Variants in CYP3A4 observed in about 807,000 individuals in gnomAD.
CYP3A4 encodes cytochrome P450 family 3 subfamily A member 4.
A neutral mutation model predicts 54.9 loss-of-function variants in CYP3A4; 41 were observed. The ratio of observed to expected loss-of-function variants is 0.75; its 90% CI spans 0.58 to 0.97. CYP3A4 has a LOEUF of 0.97. Among genes scored for constraint, CYP3A4 ranks in the 50% least tolerant of loss-of-function variants. The probability of loss-of-function intolerance (pLI) is 0.00; values close to 1 mark genes in which losing one functional copy is unlikely to be tolerated. For synonymous variants in CYP3A4, 179 were observed against 205.2 expected, an observed-to-expected ratio of 0.87 and a Z score of 1.09; for missense variants, 510 against 597.3, an observed-to-expected ratio of 0.85 and a Z score of 1.52.
intron 9 of CYP3A4, among the ~76,000 whole-genome samples, chr7:99,765,937 T>G (rs925633702): frequency 6.6e-6 from 1 of 152,176 alleles, no homozygotes; most frequent in Non-Finnish European, 1.5e-5. Flanking sequence ...GATTGGATGT[T>G]AGATGTATTA....
In CYP3A4 at chr7:99,762,145, G is replaced by A; in HGVS notation, c.1149C>T (p.Ile383=). ...CCCCTTTGGGAATGAACATCCCATTGATCTCAACATCTTTTTTGCAGACCC... is the reference window on the plus strand; with the variant it reads ...CCCCTTTGGGAATGAACATCCCATTAATCTCAACATCTTTTTTGCAGACCC... ...LERVCKKDVE[I]NGMFIPKGVV... is the part of the protein sequence containing the mutation. The change falls in exon 11 of 13, where the codon ATC becomes ATT. Residue 383 remains isoleucine, a synonymous_variant. Coordinates refer to ENST00000651514, the MANE Select transcript of CYP3A4 (RefSeq NM_017460.6). 6.2e-7 allele frequency: 1 copy of A among 1,614,048 alleles called. No individual in the cohort carries two copies. The highest frequency in any genetic ancestry group is 8.5e-7 in the Non-Finnish European group (1 of 1,179,984).
intron 5 of CYP3A4, 72 bp downstream of exon 5, chr7:99,770,050 A>G (rs778996857): frequency 1.9e-5 from 30 of 1,552,046 alleles, no homozygotes; most frequent in Non-Finnish European, 2.7e-5. Flanking sequence ...AGGGACTGTG[A>G]TCTTATTTTA....
rs1815819162 is a variant in CYP3A4, at chr7:99,778,074, A to G, written c.172T>C (p.Cys58Arg). The G allele has an allele frequency of 3.7e-6, 6 of 1,612,128 alleles. No individual in the cohort carries two copies. The highest frequency in any genetic ancestry group is 3.3e-5 in the Admixed American group (2 of 59,934). ...GNILSYHKGF[C>R]MFDMECHKKY... ...TTATGACATTCCATGTCAAACATAC[A>G]AAAGCCCTGGGAGGAGAAACAAAAT... Residue 58 changes from cysteine (C) to arginine (R), a missense_variant, in exon 3 of 13, where the codon TGT becomes CGT. Cys to Arg is a radical substitution (Grantham distance 180). This residue lies in a region of CYP3A4 where 272 missense variants were observed against 274.9 expected (regional missense o/e 0.99). Coordinates refer to ENST00000651514, the MANE Select transcript of CYP3A4 (RefSeq NM_017460.6).
At chr7:99,768,882 A>G (rs769685422) in intron 6 of CYP3A4, among the ~76,000 whole-genome samples, 21 of 152,204 alleles carry the variant, frequency 1.4e-4, no homozygotes, top group Non-Finnish European at 2.9e-4. Flanking sequence ...AAGGGGCTCA[A>G]GACAGGTGAT....
At chr7:99,762,410 T>G (rs1369961654) in intron 10 of CYP3A4, 143 bp from the exon 11 acceptor site, 1 of 1,189,506 alleles carries the variant, frequency 8.4e-7, no homozygotes, top group Non-Finnish European at 1.2e-6. Context: ...AGTGTTTTAA[T>G]AACTGTCATG....
intron 4 of CYP3A4, among the ~76,000 whole-genome samples, chr7:99,772,057 A>G (rs1584546023): frequency 6.6e-6 from 1 of 152,342 alleles, no homozygotes; most frequent in South Asian, 2.1e-4. Flanking sequence ...CAAAAGTACA[A>G]TCCAGAAAAG....
chr7:99,764,975 A>G (rs1418381362), intron 9 of CYP3A4, among the ~76,000 whole-genome samples: 1 of 152,196 alleles, frequency 6.6e-6, no homozygotes, highest in Non-Finnish European at 1.5e-5. Context: ...CATAGAAATA[A>G]ATATAATGCC....
At chr7:99,759,649 A>C (rs1335977410) in intron 12 of CYP3A4, among the ~76,000 whole-genome samples, 1 of 152,174 alleles carries the variant, frequency 6.6e-6, no homozygotes, top group Non-Finnish European at 1.5e-5. Context: ...TTTAGATACA[A>C]AGAAAATATA....
At chr7:99,772,515 G>A in intron 4 of CYP3A4, 75 bp downstream of exon 4, 2 of 1,580,796 alleles carry the variant, frequency 1.3e-6, no homozygotes, top group Non-Finnish European at 1.7e-6. Flanking sequence ...TTAGGCAACT[G>A]TCTATGAATA....
rs371360704 is a variant in CYP3A4, at chr7:99,784,077, G to C, written c.5C>G (p.Ala2Gly). The C allele has an allele frequency of 6.2e-7, 1 of 1,613,706 alleles. No homozygotes were observed. The highest frequency in any genetic ancestry group is 2.2e-5 in the East Asian group (1 of 44,872). The change falls in exon 1 of 13, where the codon GCT (alanine) becomes GGT (glycine). Residue 2 changes from alanine to glycine, a missense_variant. Physicochemically the swap from Ala to Gly is moderately conservative, Grantham distance 60. Around this residue, in one of 2 missense-constraint regions of CYP3A4, gnomAD observed 272 missense variants for 274.9 expected, o/e 0.99. Coordinates refer to ENST00000651514, the MANE Select transcript of CYP3A4 (RefSeq NM_017460.6). ...TTCCATGGCCAAGTCTGGGATGAGA[G>C]CCATCACTACTTTCCTTACTTATCT... M[A>G]LIPDLAMETW...
intron 10 of CYP3A4, 150 bp downstream of exon 10, chr7:99,763,705 C>A (rs1815399738): frequency 8.4e-7 from 1 of 1,183,586 alleles, no homozygotes; most frequent in Non-Finnish European, 1.2e-6. Flanking sequence ...TGCTATGTTT[C>A]TTTCTTTTTC....
In CYP3A4 at chr7:99,767,145, C is replaced by T. The variant is rs199908125; in HGVS notation, c.784G>A (p.Glu262Lys). The T allele has an allele frequency of 6.5e-5, 105 of 1,609,442 alleles. No homozygotes were observed. The Admixed American group carries it at 7.3e-4, about 11-fold the overall frequency. ...CCACATTTTACCTTTTGTGTATCTTCGAGGCGACTTTCTTTCATCCTTTTT... is the reference window on the plus strand; with the variant it reads ...CCACATTTTACCTTTTGTGTATCTTTGAGGCGACTTTCTTTCATCCTTTTT... Reference protein sequence around the residue: ...SVKRMKESRLEDTQKHRVDFL... With the variant: ...SVKRMKESRLKDTQKHRVDFL... The change falls in exon 8 of 13, where the codon GAA (glutamate) becomes AAA (lysine). Residue 262 changes from glutamate (E) to lysine (K), a missense_variant. Physicochemically the swap from Glu to Lys is moderately conservative, Grantham distance 56. This residue lies in a region of CYP3A4 where 238 missense variants were observed against 322.5 expected (regional missense o/e 0.74). Transcript: ENST00000651514.
At chr7:99,766,503 C>T in intron 8 of CYP3A4, 60 bp from the exon 9 acceptor site, 1 of 1,604,686 alleles carries the variant, frequency 6.2e-7, no homozygotes, top group Non-Finnish European at 8.5e-7. Context: ...AGAAGTAAAT[C>T]ACAAGCGTGG....
At chr7:99,763,346 C>G (rs750513185) in intron 10 of CYP3A4, among the ~76,000 whole-genome samples, 2 of 152,038 alleles carry the variant, frequency 1.3e-5, no homozygotes, top group Non-Finnish European at 2.9e-5. Context: ...GACTAATAGG[C>G]TATGACCACT....
At chr7:99,778,122 T>C (rs768306900) in intron 2 of CYP3A4, 42 bp from the exon 3 acceptor site, 14 of 1,513,164 alleles carry the variant, frequency 9.3e-6, no homozygotes, top group Non-Finnish European at 1.3e-5. Context: ...TTATTTTTAA[T>C]GTACTTAACC....
intron 10 of CYP3A4, 61 bp from the exon 11 acceptor site, chr7:99,762,328 C>T: frequency 6.4e-7 from 1 of 1,567,508 alleles, no homozygotes; most frequent in Non-Finnish European, 8.7e-7. Context: ...TAACTCAGTC[C>T]ATGCAGTACT....
chr7:99,768,149 T>C (rs767926641), intron 7 of CYP3A4, among the ~76,000 whole-genome samples: 7 of 152,212 alleles, frequency 4.6e-5, no homozygotes, highest in Non-Finnish European at 1.0e-4. Flanking sequence ...GACAGGGGGC[T>C]GATAGCTAAA....
intron 4 of CYP3A4, 56 bp downstream of exon 4, chr7:99,772,534 T>C: frequency 6.2e-7 from 1 of 1,602,418 alleles, no homozygotes; most frequent in Non-Finnish European, 8.5e-7. Flanking sequence ...TATATAAGAA[T>C]TTCAAAATAT....
intron 12 of CYP3A4, 134 bp from the exon 13 acceptor site, chr7:99,758,362 T>A: frequency 9.8e-7 from 1 of 1,019,250 alleles, no homozygotes; most frequent in South Asian, 1.4e-5. Context: ...TATGGAGTAA[T>A]GGGCAAAAAA....
Sources: allele counts gnomAD v4.1 joint callset (sites outside exome capture counted in the v4.1 genomes callset), GRCh38; gene constraint gnomAD v4.1.1; regional missense constraint gnomAD v4.1.1; transcripts MANE v1.5; gene names NCBI Gene and HGNC (gene_info 2026-07-23, HGNC 2026-07-21).